Variants in KIF26B observed in about 807,000 individuals in gnomAD.
KIF26B encodes the protein kinesin family member 26B.
A neutral mutation model predicts 151.2 loss-of-function variants in KIF26B; 63 were observed. That is an observed-to-expected ratio of 0.42 (90% CI 0.34 to 0.51). The LOEUF (loss-of-function observed/expected upper bound fraction) is 0.51, where lower values mean the gene tolerates loss of function less well. Ranked by LOEUF, KIF26B falls within the 20% of genes least tolerant of loss-of-function variation. KIF26B has a pLI of 0.07. For synonymous variants in KIF26B, 1,357 were observed against 1,262.1 expected (o/e 1.08, Z -1.59); for missense variants, 2,813 against 2,913.6 (o/e 0.97, Z 0.79).
At chr1:245,613,530 G>A (rs535730399) in intron 9 of KIF26B, among the ~76,000 whole-genome samples, 216 of 152,288 alleles carry the variant, frequency 1.4e-3, no homozygotes, top group Non-Finnish European at 2.2e-3. Context: ...CCCAGGAGGC[G>A]GAGGTTGCAG....
In KIF26B at chr1:245,265,482, A is replaced by G. The variant is rs568004345; in HGVS notation, c.466-101352A>G. 9.8e-5 allele frequency among the ~76,000 whole-genome samples: 15 copies of G among 152,296 alleles called. No individual in the cohort carries two copies. The South Asian group carries it at 2.9e-3, about 29-fold the overall frequency. ...AAGGTCCTCACATATCCTATATACA[A>G]AAAATTAGTTTGAAGTAGACCAAAT... On this transcript the variant is annotated intron_variant, in intron 2 of 14. Coordinates refer to ENST00000407071, the MANE Select transcript of KIF26B (RefSeq NM_018012.4).
intron 3 of KIF26B, among the ~76,000 whole-genome samples, chr1:245,401,733 G>A (rs1483244875): frequency 6.6e-6 from 1 of 152,138 alleles, no homozygotes; most frequent in Non-Finnish European, 1.5e-5. Context: ...ATCTGGGCGT[G>A]GTGGCACATG....
At chr1:245,297,971 C>T (rs972720131) in intron 2 of KIF26B, among the ~76,000 whole-genome samples, 1 of 152,158 alleles carries the variant, frequency 6.6e-6, no homozygotes, top group Admixed American at 6.5e-5. Context: ...ACTGCAACCT[C>T]CACCTCCCAG....
intron 4 of KIF26B, among the ~76,000 whole-genome samples, chr1:245,507,720 G>A (rs553493237): frequency 5.3e-5 from 8 of 152,176 alleles, no homozygotes; most frequent in Non-Finnish European, 1.0e-4. Flanking sequence ...AGAGTCCCGG[G>A]AGGCAGCCTT....
intron 4 of KIF26B, among the ~76,000 whole-genome samples, chr1:245,514,696 G>A (rs914427309): frequency 3.3e-5 from 5 of 152,064 alleles, no homozygotes; most frequent in South Asian, 2.1e-4. Flanking sequence ...ATTTTTTCTC[G>A]TATCTTCCTC....
At chr1:245,463,063 C>A (rs1659686814) in intron 4 of KIF26B, among the ~76,000 whole-genome samples, 1 of 152,128 alleles carries the variant, frequency 6.6e-6, no homozygotes, top group Non-Finnish European at 1.5e-5. Flanking sequence ...CCTCTGTCCT[C>A]CACCCACACT....
intron 4 of KIF26B, among the ~76,000 whole-genome samples, chr1:245,504,340 T>TTCCC (rs10522978): frequency 1.4e-5 from 2 of 146,960 alleles, no homozygotes; most frequent in Admixed American, 6.9e-5. Flanking sequence ...CCTTCCCTCC[T>TTCCC]TCCCTCCCTC....
chr1:245,661,539 C>T lies in KIF26B; in HGVS notation c.2258+15259C>T, dbSNP rs116699029. ...TATTATATACAATATACACACATAC[C>T]CAATATGTATATACACCCAATGTTA... On this transcript the variant is annotated intron_variant, in intron 10 of 14. Transcript: ENST00000407071. Among the ~76,000 whole-genome samples the T allele has an allele frequency of 4.0e-3, 598 of 151,058 alleles. 5 individuals are homozygous for T. Among genetic ancestry groups the T allele is most frequent in the African/African-American group, 0.013 (530 of 40,964 alleles).
chr1:245,422,608 G>A (rs528519942), intron 4 of KIF26B, among the ~76,000 whole-genome samples: 56 of 152,224 alleles, frequency 3.7e-4, no homozygotes, highest in Non-Finnish European at 6.9e-4. Context: ...TGTGTAAGGG[G>A]ATGGTAATGA....
At chr1:245,324,985 C>T (rs1671957897) in intron 2 of KIF26B, among the ~76,000 whole-genome samples, 1 of 151,406 alleles carries the variant, frequency 6.6e-6, no homozygotes, top group South Asian at 2.1e-4. Context: ...ATCCCACCTA[C>T]TCAGGAGGCT....
chr1:245,698,270 G>A lies in KIF26B; in HGVS notation c.5989G>A (p.Val1997Met), dbSNP rs778742613. 7 of 1,613,646 alleles carry A rather than the reference G, an allele frequency of 4.3e-6. No individual in the cohort carries two copies. Among genetic ancestry groups the A allele is most frequent in the Admixed American group, 3.3e-5 (2 of 60,002 alleles). The change falls in exon 13 of 15, where the codon GTG becomes ATG. Residue 1997 changes from valine (V) to methionine (M), a missense_variant. Physicochemically the swap from Val to Met is conservative, Grantham distance 21. This residue lies in a region of KIF26B where 2,060 missense variants were observed against 2,088.6 expected (regional missense o/e 0.99). Coordinates refer to ENST00000407071, the MANE Select transcript of KIF26B (RefSeq NM_018012.4). This position sits in a 1 kb window ranked among gnomAD's most constrained non-coding sequence, Gnocchi z 4.0. ...GATTAAAGTCTATGAAATCGATGAC[G>A]TGGAGCGCCTGCAGCGGCGACGAGG... The part of the protein sequence containing the change: ...FEIKVYEIDD[V>M]ERLQRRRGGA...
At position 245,244,756 on chromosome 1, in the gene KIF26B, T is replaced by TCACACACACACACACACACACACAAACA. The variant is rs1670284968; in HGVS notation, c.465+88097_465+88098insAACACACACACACACACACACACACACA. On this transcript the variant is annotated intron_variant, in intron 2 of 14. Coordinates refer to ENST00000407071, the MANE Select transcript of KIF26B (RefSeq NM_018012.4). This position sits in a 1 kb window ranked among gnomAD's most constrained non-coding sequence, Gnocchi z 4.2. ...AGAAGGAACACACAGACACGCACAC[T>TCACACACACACACACACACACACAAACA]CACACACACACACACACACACACAC... is the stretch of plus-strand genomic sequence containing the variant. 1.6e-4 allele frequency among the ~76,000 whole-genome samples: 23 copies of TCACACACACACACACACACACACAAACA among 144,354 alleles called. No homozygotes were observed. Among genetic ancestry groups the TCACACACACACACACACACACACAAACA allele is most frequent in the African/African-American group, 5.6e-4 (22 of 39,114 alleles). 94.7% of individuals were successfully genotyped at this position (144,354 alleles called of 152,430 possible). A position where few individuals can be genotyped will look rare whatever the true frequency, so the allele number is the denominator to read the frequency against.
chr1:245,180,720 G>C (rs778272137), intron 2 of KIF26B, among the ~76,000 whole-genome samples: 21 of 152,160 alleles, frequency 1.4e-4, no homozygotes, highest in Non-Finnish European at 2.8e-4. Context: ...AAATGGTGGT[G>C]GTGGGGGTAG....
chr1:245,502,383 T>C (rs901274404), intron 4 of KIF26B, among the ~76,000 whole-genome samples: 1 of 151,968 alleles, frequency 6.6e-6, no homozygotes, highest in Non-Finnish European at 1.5e-5. Flanking sequence ...AAAAATTAGC[T>C]GGGTGTATTG....
Position 245,156,565 on chromosome 1 carries a change from G to A in KIF26B, c.347G>A (p.Gly116Asp). The change falls in exon 2 of 15, where the codon GGC becomes GAC. Residue 116 changes from glycine (G) to aspartate (D), a missense_variant. Coordinates refer to ENST00000407071, the MANE Select transcript of KIF26B (RefSeq NM_018012.4). ...FGTGSPGSGSGGGSSPGSDRG... is the reference protein window; with the variant it reads ...FGTGSPGSGSDGGSSPGSDRG... ...ACAGGCTCCCCGGGCTCCGGCAGCG[G>A]CGGCGGCTCCTCCCCCGGCTCGGAC... The A allele has an allele frequency of 6.5e-7, 1 of 1,531,934 alleles. No individual in the cohort carries two copies. The highest frequency in any genetic ancestry group is 8.7e-7 in the Non-Finnish European group (1 of 1,145,570). 94.9% of individuals were successfully genotyped at this position (1,531,934 alleles called of 1,614,324 possible).
intron 2 of KIF26B, among the ~76,000 whole-genome samples, chr1:245,315,530 T>C (rs892093711): frequency 3.3e-5 from 5 of 152,042 alleles, no homozygotes; most frequent in Non-Finnish European, 7.4e-5. Flanking sequence ...AAGACCAGCC[T>C]GGCCAATGTG....
chr1:245,393,700 C>T (rs1055384181), intron 3 of KIF26B, among the ~76,000 whole-genome samples: 1 of 152,134 alleles, frequency 6.6e-6, no homozygotes, highest in South Asian at 2.1e-4. Flanking sequence ...TTCTAATTTC[C>T]AGCTTGCTGA....
chr1:245,533,272 G>C (rs999947204), intron 4 of KIF26B, among the ~76,000 whole-genome samples: 1 of 152,080 alleles, frequency 6.6e-6, no homozygotes, highest in Admixed American at 6.5e-5. Context: ...TGCTGACAGG[G>C]GAGACTGTCC....
chr1:245,691,382 C>A (rs539246173), intron 12 of KIF26B, among the ~76,000 whole-genome samples: 90 of 152,260 alleles, frequency 5.9e-4, no homozygotes, highest in African/African-American at 2.0e-3. Context: ...AATGCCAGGG[C>A]AGGTGCTAGA....
Sources: allele counts gnomAD v4.1 joint callset (sites outside exome capture counted in the v4.1 genomes callset), GRCh38; gene constraint gnomAD v4.1.1; regional missense constraint gnomAD v4.1.1; non-coding constraint Gnocchi (gnomAD v3.1); transcripts MANE v1.5; gene names NCBI Gene and HGNC (gene_info 2026-07-23, HGNC 2026-07-21).